Variants in MANBA observed in about 807,000 individuals in gnomAD.
MANBA encodes the protein beta-mannosidase.
MANBA carries 83 observed loss-of-function variants against 111.1 expected under a neutral mutation model. The observed-to-expected ratio is 0.75, with a 90% confidence interval of 0.63 to 0.90. MANBA has a LOEUF of 0.90. Among genes scored for constraint, MANBA ranks in the 40% least tolerant of loss-of-function variants. The probability of loss-of-function intolerance (pLI) is 0.00; values close to 1 mark genes in which losing one functional copy is unlikely to be tolerated. For synonymous variants in MANBA, 370 were observed against 378.7 expected (o/e 0.98, Z 0.27); for missense variants, 1,036 against 1,069.0 (o/e 0.97, Z 0.43).
chr4:102,760,515 A>G (rs1325302442), intron 1 of MANBA, among the ~76,000 whole-genome samples: 1 of 152,190 alleles, frequency 6.6e-6, no homozygotes, highest in Non-Finnish European at 1.5e-5. Flanking sequence ...ATGTCCCAAC[A>G]TGGGTCGGTC....
chr4:102,652,653 G>C (rs1730388042), intron 12 of MANBA, among the ~76,000 whole-genome samples: 1 of 152,196 alleles, frequency 6.6e-6, no homozygotes, highest in South Asian at 2.1e-4. Context: ...CACTTTGGGA[G>C]GCTGAGGTGG....
At chr4:102,748,550 G>A (rs1013113079) in intron 1 of MANBA, among the ~76,000 whole-genome samples, 1 of 152,124 alleles carries the variant, frequency 6.6e-6, no homozygotes, top group South Asian at 2.1e-4. Flanking sequence ...GGTTAATCAT[G>A]GTTGTTTCTA....
chr4:102,710,594 C>T (rs113849661), intron 5 of MANBA, among the ~76,000 whole-genome samples: 4,601 of 152,076 alleles, frequency 0.03, 239 homozygotes, highest in African/African-American at 0.1. Context: ...CTACCCAAAG[C>T]AATCTACAGA....
chr4:102,659,124 A>G (rs1730801000), intron 11 of MANBA: 1 of 152,214 alleles, frequency 6.6e-6, no homozygotes. Flanking sequence ...ATCTCTTTTG[A>G]GTATTTCCTA....
At chr4:102,730,451 A>C (rs1722990780) in intron 1 of MANBA, 1 of 500,492 alleles carries the variant, frequency 2.0e-6, no homozygotes, top group African/African-American at 1.9e-5. Context: ...TATTCGGGGT[A>C]AGGGTCAGCT....
rs1264087942 is a variant in MANBA, at chr4:102,631,044, A to G, written c.*1013T>C. On this transcript the variant is annotated 3_prime_UTR_variant, in exon 17 of 17. Coordinates refer to ENST00000647097, the MANE Select transcript of MANBA (RefSeq NM_005908.4). ...AATAGTCATAAGAACATGACATAAT[A>G]TTTACCAAGTAAGACTCTACGGAGT... 6.6e-6 allele frequency: 1 copy of G among 151,992 alleles called. No individual in the cohort carries two copies. Among genetic ancestry groups the G allele is most frequent in the Non-Finnish European group, 1.5e-5 (1 of 68,086 alleles). The allele number at this position is 151,992 out of a possible 1,614,324, so 9.4% of individuals were successfully genotyped here.
chr4:102,680,050 A>T (rs1386484423), intron 7 of MANBA, among the ~76,000 whole-genome samples: 2 of 152,210 alleles, frequency 1.3e-5, no homozygotes, highest in Non-Finnish European at 2.9e-5. Flanking sequence ...GTTCTCAGGG[A>T]CAACAATTGG....
At chr4:102,646,658 G>T (rs923670010) in intron 13 of MANBA, among the ~76,000 whole-genome samples, 1 of 152,138 alleles carries the variant, frequency 6.6e-6, no homozygotes, top group Non-Finnish European at 1.5e-5. Context: ...TCAAAAGTTA[G>T]TTTAGATATG....
At chr4:102,661,463 G>A (rs1050599688) in intron 11 of MANBA, among the ~76,000 whole-genome samples, 1 of 152,130 alleles carries the variant, frequency 6.6e-6, no homozygotes, top group African/African-American at 2.4e-5. Context: ...AGTAGATGTT[G>A]GGTGAATTTA....
At chr4:102,667,584 A>G (rs1020954856) in intron 10 of MANBA, 4 of 152,164 alleles carry the variant, frequency 2.6e-5, no homozygotes, top group African/African-American at 9.6e-5. Flanking sequence ...ACTTACACGT[A>G]TTATCCTATT....
intron 3 of MANBA, among the ~76,000 whole-genome samples, 155 bp from the exon 4 acceptor site, chr4:102,723,196 AGT>A (rs1365183402): frequency 1.3e-5 from 2 of 152,250 alleles, no homozygotes; most frequent in Non-Finnish European, 2.9e-5. Flanking sequence ...GAAACACTGT[AGT>A]ATCTATCACT....
intron 4 of MANBA, among the ~76,000 whole-genome samples, chr4:102,714,893 G>A (rs1722254632): frequency 6.6e-6 from 1 of 152,124 alleles, no homozygotes. Context: ...TAGTTGTATT[G>A]GAATAGGGCC....
At chr4:102,741,502 C>A (rs1723403338) in intron 1 of MANBA, among the ~76,000 whole-genome samples, 1 of 152,150 alleles carries the variant, frequency 6.6e-6, no homozygotes, top group African/African-American at 2.4e-5. Flanking sequence ...GTTTATAGCA[C>A]CACAATTCGC....
At chr4:102,753,857 C>A in intron 1 of MANBA, 2 of 383,172 alleles carry the variant, frequency 5.2e-6, no homozygotes, top group South Asian at 1.8e-5. Context: ...CCGAGGTGGG[C>A]GGATTGCCTG....
chr4:102,661,999 T>C (rs1477808006), intron 11 of MANBA, among the ~76,000 whole-genome samples: 1 of 152,214 alleles, frequency 6.6e-6, no homozygotes, highest in African/African-American at 2.4e-5. Flanking sequence ...ACTATTCATC[T>C]TTGAAAAAAT....
intron 6 of MANBA, among the ~76,000 whole-genome samples, 195 bp downstream of exon 6, chr4:102,690,401 T>A (rs1475615924): frequency 6.6e-6 from 1 of 152,158 alleles, no homozygotes; most frequent in East Asian, 1.9e-4. Context: ...ATTTTCTTAA[T>A]CTTAAAGTTT....
At chr4:102,756,498 A>ATACCTAATATATTT (rs1724023727) in intron 1 of MANBA, among the ~76,000 whole-genome samples, 3 of 152,160 alleles carry the variant, frequency 2.0e-5, no homozygotes, top group African/African-American at 7.2e-5. Context: ...GGGGAGGGAT[A>ATACCTAATATATTT]GCATTAGGAG....
intron 5 of MANBA, among the ~76,000 whole-genome samples, chr4:102,712,653 G>A (rs759543216): frequency 6.6e-6 from 1 of 151,766 alleles, no homozygotes; most frequent in Non-Finnish European, 1.5e-5. Context: ...CGAGTAGCTG[G>A]GACTGCAGGT....
At chr4:102,689,359 A>T (rs866769723) in intron 7 of MANBA, among the ~76,000 whole-genome samples, 1,425 of 100,394 alleles carry the variant, frequency 0.014, 8 homozygotes, top group Admixed American at 0.03. Flanking sequence ...AAAAAAAAAA[A>T]ATATATATAT....
Sources: gnomAD v4.1 joint callset for allele counts (sites outside exome capture counted in the v4.1 genomes callset) on GRCh38, gnomAD v4.1.1 for gene constraint, MANE v1.5 for transcripts, NCBI Gene and HGNC (gene_info 2026-07-23, HGNC 2026-07-21) for gene names.